The following PPP2R3C variants were observed in gnomAD, a reference collection of about 807,000 sequenced individuals.
The protein encoded by PPP2R3C is serine/threonine-protein phosphatase 2A regulatory subunit B'' subunit gamma.
A neutral mutation model predicts 63.7 loss-of-function variants in PPP2R3C; 47 were observed. That is an observed-to-expected ratio of 0.74 (90% CI 0.58 to 0.94). The LOEUF is 0.94. Ranked by LOEUF, PPP2R3C falls within the 40% of genes least tolerant of loss-of-function variation. The pLI, the probability that PPP2R3C is intolerant of heterozygous loss-of-function variation, is 0.00. For synonymous variants in PPP2R3C, 180 were observed against 177.4 expected, an observed-to-expected ratio of 1.01 and a Z score of -0.12; for missense variants, 421 against 518.4, an observed-to-expected ratio of 0.81 and a Z score of 1.82.
At chr14:35,112,653 C>G (rs2046599001) in intron 2 of PPP2R3C, among the ~76,000 whole-genome samples, 2 of 152,202 alleles carry the variant, frequency 1.3e-5, no homozygotes, top group African/African-American at 4.8e-5. Flanking sequence ...ACCTGAGAGA[C>G]TGTTTCAGGG....
intron 10 of PPP2R3C, 24 bp from the exon 11 acceptor site, chr14:35,091,231 A>G: frequency 6.4e-7 from 1 of 1,564,068 alleles, no homozygotes; most frequent in East Asian, 2.3e-5. Context: ...AATAATGTTC[A>G]TTAGAGGCCT....
intron 2 of PPP2R3C, among the ~76,000 whole-genome samples, chr14:35,111,235 CAAAA>C (rs3058398): frequency 2.2e-5 from 2 of 89,792 alleles, no homozygotes; most frequent in Non-Finnish European, 2.2e-5. Flanking sequence ...CTCCATCTAC[CAAAA>C]AAAAAAAAAA....
intron 10 of PPP2R3C, among the ~76,000 whole-genome samples, chr14:35,091,568 T>C (rs1427747917): frequency 6.6e-6 from 1 of 151,998 alleles, no homozygotes; most frequent in Non-Finnish European, 1.5e-5. Context: ...GGTTTCTCCA[T>C]GTTGGTCAAG....
At chr14:35,105,756 C>G (rs746568574) in intron 6 of PPP2R3C, among the ~76,000 whole-genome samples, 3 of 152,080 alleles carry the variant, frequency 2.0e-5, no homozygotes, top group Non-Finnish European at 4.4e-5. Flanking sequence ...GCATAGAATT[C>G]TAGCTGCTTT....
intron 2 of PPP2R3C, among the ~76,000 whole-genome samples, chr14:35,115,116 G>A (rs964100861): frequency 3.3e-5 from 5 of 150,718 alleles, no homozygotes; most frequent in African/African-American, 1.2e-4. Flanking sequence ...GACTACAGGC[G>A]AATTGCCCTA....
chr14:35,088,027 T>G lies in PPP2R3C; in HGVS notation c.1114-17A>C. The G allele has an allele frequency of 1.3e-6, 2 of 1,538,302 alleles. No homozygotes were observed. Among genetic ancestry groups the G allele is most frequent in the Non-Finnish European group, 1.8e-6 (2 of 1,111,758 alleles). On this transcript the variant is annotated splice_polypyrimidine_tract_variant and intron_variant, in intron 11 of 12. Coordinates refer to ENST00000261475, the MANE Select transcript of PPP2R3C (RefSeq NM_017917.4). ...CTGTATGGCCTGTATTTAATAGAAA[T>G]AAATCTGTAAATAAAAAATGAAATA... is the stretch of plus-strand genomic sequence containing the variant.
chr14:35,099,113 T>C, intron 7 of PPP2R3C, 139 bp downstream of exon 7: 1 of 1,141,980 alleles, frequency 8.8e-7, no homozygotes, highest in Non-Finnish European at 1.2e-6. Context: ...TCTACCTTTT[T>C]ATCTCCTTGA....
chr14:35,091,460 C>T (rs1053263321), intron 10 of PPP2R3C, among the ~76,000 whole-genome samples: 6 of 151,880 alleles, frequency 4.0e-5, no homozygotes, highest in South Asian at 2.1e-4. Flanking sequence ...CTCCACCTCC[C>T]GGGTTCAAGC....
At position 35,106,042 on chromosome 14, in the gene PPP2R3C, T is replaced by C. The variant is rs1199794273; in HGVS notation, c.573+1262A>G. Among the ~76,000 whole-genome samples the C allele has an allele frequency of 2.0e-5, 3 of 152,052 alleles. No homozygotes were observed. The East Asian group carries it at 5.8e-4, about 29-fold the overall frequency. The stretch of plus-strand genomic sequence containing the variant: ...TTGTATTTTTAGTAGAGATGGGGTT[T>C]CACCGTGTTAGCCAGAATGGTCTCG... On this transcript the variant is annotated intron_variant, in intron 6 of 12. Transcript: ENST00000261475.
chr14:35,111,296 T>G (rs913143401), intron 2 of PPP2R3C, among the ~76,000 whole-genome samples: 1 of 149,566 alleles, frequency 6.7e-6, no homozygotes, highest in African/African-American at 2.5e-5. Context: ...TAACTGGAGA[T>G]TGACAATTTC....
intron 1 of PPP2R3C, chr14:35,117,102 G>A (rs534804712): frequency 3.1e-5 from 14 of 455,916 alleles, no homozygotes; most frequent in Middle Eastern, 7.0e-4. Flanking sequence ...TAGTAGACAC[G>A]GAATGAGGGG....
At chr14:35,089,385 T>G (rs1476360383) in intron 11 of PPP2R3C, among the ~76,000 whole-genome samples, 1 of 152,062 alleles carries the variant, frequency 6.6e-6, no homozygotes, top group Non-Finnish European at 1.5e-5. Context: ...ATTAGAAGCA[T>G]GAGCGACCAC....
In PPP2R3C at chr14:35,085,750, T is replaced by G; in HGVS notation, c.1202A>C (p.Lys401Thr). Residue 401 changes from lysine (K) to threonine (T), a missense_variant, in exon 13 of 13, where the codon AAG becomes ACG. By Grantham distance (78) the Lys-to-Thr change is moderately conservative. Transcript: ENST00000261475. ...CTGAAGAGAGATTTTCAAAGGATCC[T>G]TTGGTTTTACCATGTCAAAGATTTC... ...KDEIFDMVKP[K>T]DPLKISLQDL... 1 of 1,608,754 alleles carries G rather than the reference T, an allele frequency of 6.2e-7. No individual in the cohort carries two copies.
At chr14:35,116,815 T>C (rs2046724356) in intron 1 of PPP2R3C, 78 bp from the exon 2 acceptor site, 1 of 1,138,628 alleles carries the variant, frequency 8.8e-7, no homozygotes. Context: ...TATATTATAT[T>C]AATAGTTTAA....
At chr14:35,091,024 G>GAT (rs749172262) in intron 11 of PPP2R3C, 46 bp downstream of exon 11, 39 of 1,532,990 alleles carry the variant, frequency 2.5e-5, no homozygotes, top group Non-Finnish European at 3.2e-5. Flanking sequence ...GCAACAAAAT[G>GAT]ATATATCTTA....
intron 1 of PPP2R3C, among the ~76,000 whole-genome samples, chr14:35,121,399 C>T (rs1181660772): frequency 6.6e-6 from 1 of 152,022 alleles, no homozygotes; most frequent in Non-Finnish European, 1.5e-5. Context: ...AAAAGTGAGA[C>T]AACTCACCAA....
intron 2 of PPP2R3C, among the ~76,000 whole-genome samples, chr14:35,110,882 CTG>C (rs1231021466): frequency 6.6e-6 from 1 of 152,156 alleles, no homozygotes; most frequent in Non-Finnish European, 1.5e-5. Flanking sequence ...TCTTAAAGCA[CTG>C]TGTTTCTATT....
intron 3 of PPP2R3C, 45 bp downstream of exon 3, chr14:35,110,480 T>A: frequency 7.7e-7 from 1 of 1,300,056 alleles, no homozygotes; most frequent in Non-Finnish European, 1.1e-6. Flanking sequence ...GTAGCACAAA[T>A]GAGAAATGGT....
intron 2 of PPP2R3C, among the ~76,000 whole-genome samples, chr14:35,112,027 C>G (rs747925253): frequency 2.0e-5 from 3 of 152,186 alleles, no homozygotes; most frequent in Non-Finnish European, 4.4e-5. Flanking sequence ...CAAGAAGAAC[C>G]TGTTGGGTGG....
Sources: allele counts gnomAD v4.1 joint callset (sites outside exome capture counted in the v4.1 genomes callset), GRCh38; gene constraint gnomAD v4.1.1; transcripts MANE v1.5; gene names NCBI Gene and HGNC (gene_info 2026-07-23, HGNC 2026-07-21).